Variants in SERF2 observed in about 807,000 individuals in gnomAD.
SERF2 encodes the protein gastric cancer-related protein VRG107.
Under a neutral mutation model 10.7 loss-of-function variants are expected in SERF2, and 4 were observed. The ratio of observed to expected loss-of-function variants is 0.37; its 90% CI spans 0.18 to 0.86. The LOEUF (loss-of-function observed/expected upper bound fraction) is 0.86. SERF2 is among the 40% of genes least tolerant of loss of function. SERF2 has a pLI of 0.43. For synonymous variants in SERF2, 26 were observed against 26.0 expected (o/e 1.00, Z 0.01); for missense variants, 47 against 79.1 (o/e 0.59, Z 1.54).
rs1034061455 is a variant in SERF2, at chr15:43,793,951, C to T, written c.*178C>T. 4.5e-6 allele frequency: 7 copies of T among 1,549,390 alleles called. No individual in the cohort carries two copies. Among genetic ancestry groups the T allele is most frequent in the African/African-American group, 4.1e-5 (3 of 73,178 alleles). ...CTTCCCCTCAGGTAGCCTCTCTCCCCCTGGGCCACTCCCGGGGGTGAGGGG... is the reference window on the plus strand; with the variant it reads ...CTTCCCCTCAGGTAGCCTCTCTCCCTCTGGGCCACTCCCGGGGGTGAGGGG... On this transcript the variant is annotated 3_prime_UTR_variant, in exon 3 of 3. Coordinates refer to ENST00000249786, the MANE Select transcript of SERF2 (RefSeq NM_001018108.4).
intron 2 of SERF2, among the ~76,000 whole-genome samples, chr15:43,786,546 C>A (rs762216285): frequency 6.6e-6 from 1 of 152,144 alleles, no homozygotes; most frequent in Admixed American, 6.6e-5. Flanking sequence ...AGCTTATCCC[C>A]CTCTCAGGGC....
chr15:43,778,534 G>A (rs1372778953), intron 1 of SERF2, among the ~76,000 whole-genome samples: 1 of 112,786 alleles, frequency 8.9e-6, no homozygotes, highest in Non-Finnish European at 1.7e-5. Context: ...GAGAGACCCT[G>A]TCTCAAAAAA....
At chr15:43,786,453 C>T (rs1293768743) in intron 2 of SERF2, among the ~76,000 whole-genome samples, 3 of 150,104 alleles carry the variant, frequency 2.0e-5, no homozygotes, top group African/African-American at 2.5e-5. Context: ...ACGTTTGGTA[C>T]GCATGGAAAG....
exon 1 of SERF2, chr15:43,777,412 G>A: frequency 3.9e-6 from 1 of 257,120 alleles, no homozygotes; most frequent in Non-Finnish European, 7.9e-6. Context: ...AGAGACCAGA[G>A]GATGGCTGAC....
chr15:43,794,966 C>T lies in SERF2; in HGVS notation c.*1193C>T, dbSNP rs2087168671. 6.5e-7 allele frequency: 1 copy of T among 1,549,580 alleles called. No individual in the cohort carries two copies. Among genetic ancestry groups the T allele is most frequent in the South Asian group, 1.2e-5 (1 of 86,144 alleles). ...TCCCCTTGAGCCAACTCTAGGAGTA[C>T]AATGTCAGGGGAACCCCAGTTTGTG... On this transcript the variant is annotated 3_prime_UTR_variant, in exon 3 of 3. Coordinates refer to ENST00000249786, the MANE Select transcript of SERF2 (RefSeq NM_001018108.4).
At chr15:43,792,821 C>G (rs1193414674) in intron 1 of SERF2, 154 bp from the exon 2 acceptor site, 9 of 697,908 alleles carry the variant, frequency 1.3e-5, no homozygotes, top group South Asian at 5.6e-5. Flanking sequence ...GCCACTCCCC[C>G]CTACCCCAAG....
intron 1 of SERF2, among the ~76,000 whole-genome samples, chr15:43,784,757 T>A (rs2141670344): frequency 6.7e-6 from 1 of 148,554 alleles, no homozygotes; most frequent in East Asian, 2.0e-4. Context: ...CGCCCGGCCC[T>A]AATTAATTTT....
intron 1 of SERF2, chr15:43,777,598 A>C (rs2086930874): frequency 5.8e-6 from 1 of 172,616 alleles, no homozygotes; most frequent in South Asian, 1.2e-4. Flanking sequence ...GGGCGCGGGT[A>C]GTGGCAGGAA....
At chr15:43,780,783 C>A (rs1335471151) in intron 1 of SERF2, among the ~76,000 whole-genome samples, 1 of 152,130 alleles carries the variant, frequency 6.6e-6, no homozygotes, top group Non-Finnish European at 1.5e-5. Flanking sequence ...AAATGTAATG[C>A]CTTTTCTGTC....
At chr15:43,778,684 G>A (rs1428909388) in intron 1 of SERF2, among the ~76,000 whole-genome samples, 2 of 146,856 alleles carry the variant, frequency 1.4e-5, no homozygotes, top group African/African-American at 2.5e-5. Flanking sequence ...TGGATTACCT[G>A]AGCTCAGGAG....
chr15:43,795,705 G>T lies in SERF2; in HGVS notation c.*1932G>T, dbSNP rs1260232789. The stretch of plus-strand genomic sequence containing the variant: ...GCACTCACCTTTGTCTGCCTCCACT[G>T]TTTCAGGGCAGCAGAAACACAGTGA... On this transcript the variant is annotated 3_prime_UTR_variant, in exon 3 of 3. Coordinates refer to ENST00000249786, the MANE Select transcript of SERF2 (RefSeq NM_001018108.4). 1.9e-6 allele frequency: 3 copies of T among 1,614,074 alleles called. No homozygotes were observed. The Admixed American group carries it at 5.0e-5, about 27-fold the overall frequency.
intron 1 of SERF2, among the ~76,000 whole-genome samples, chr15:43,784,734 G>A (rs886524364): frequency 3.4e-4 from 51 of 151,536 alleles, no homozygotes; most frequent in African/African-American, 1.2e-3. Context: ...GGGATTACAG[G>A]TGTGAGCCAC....
At chr15:43,788,914 C>T (rs2087029593), upstream of SERF2, among the ~76,000 whole-genome samples, 1 of 152,056 alleles carries the variant, frequency 6.6e-6, no homozygotes. Flanking sequence ...CTTTGGGAGG[C>T]TGAGGTGGGC....
upstream of SERF2, among the ~76,000 whole-genome samples, chr15:43,790,705 G>GCTCAC: frequency 6.6e-6 from 1 of 152,062 alleles, no homozygotes; most frequent in African/African-American, 2.4e-5. Flanking sequence ...GGAAGCAGAG[G>GCTCAC]TTGCAGTGAG....
At chr15:43,786,146 C>A (rs1436286708) in intron 2 of SERF2, among the ~76,000 whole-genome samples, 3 of 151,808 alleles carry the variant, frequency 2.0e-5, no homozygotes, top group East Asian at 1.9e-4. Context: ...CCAGACACAG[C>A]GGCTCACGCC....
intron 2 of SERF2, among the ~76,000 whole-genome samples, chr15:43,785,999 C>A (rs2087003780): frequency 6.6e-6 from 1 of 151,822 alleles, no homozygotes; most frequent in Non-Finnish European, 1.5e-5. Flanking sequence ...AGCCACCATG[C>A]CCAGCCATGA....
At chr15:43,788,664 T>A (rs1367497722), upstream of SERF2, among the ~76,000 whole-genome samples, 1 of 152,168 alleles carries the variant, frequency 6.6e-6, no homozygotes, top group Non-Finnish European at 1.5e-5. Context: ...ATCCATTCTC[T>A]ACTGGTAAAG....
rs990369286 is a variant in SERF2, at chr15:43,795,808, G to A, written c.*2035G>A. 8.6e-6 allele frequency: 13 copies of A among 1,506,544 alleles called. No individual in the cohort carries two copies. The highest frequency in any genetic ancestry group is 2.8e-5 in the African/African-American group (2 of 72,416). The allele number at this position is 1,506,544 out of a possible 1,614,324, so 93.3% of individuals were successfully genotyped here. On this transcript the variant is annotated 3_prime_UTR_variant, in exon 3 of 3. Coordinates refer to ENST00000249786, the MANE Select transcript of SERF2 (RefSeq NM_001018108.4). ...GGTGTTAATCTAGGAAACTTCCCCCGTGAAAAGATTGGTCTAGTATTAAAA... is the reference window on the plus strand; with the variant it reads ...GGTGTTAATCTAGGAAACTTCCCCCATGAAAAGATTGGTCTAGTATTAAAA...
upstream of SERF2, chr15:43,777,090 C>A: frequency 1.0e-6 from 1 of 987,730 alleles, no homozygotes; most frequent in Non-Finnish European, 1.6e-6. Flanking sequence ...GGCGGCGCTT[C>A]GCTCTCCCCG....
Sources: allele counts gnomAD v4.1 joint callset (sites outside exome capture counted in the v4.1 genomes callset), GRCh38; gene constraint gnomAD v4.1.1; transcripts MANE v1.5; gene names NCBI Gene and HGNC (gene_info 2026-07-23, HGNC 2026-07-21).